CACNA1A: variants seen among roughly 807,000 people sequenced by gnomAD.
CACNA1A encodes voltage-dependent P/Q-type calcium channel subunit alpha-1A.
A neutral mutation model predicts 262.4 loss-of-function variants in CACNA1A; 57 were observed. That is an observed-to-expected ratio of 0.22 (90% CI 0.18 to 0.27). The LOEUF (loss-of-function observed/expected upper bound fraction) is 0.27, where lower values mean the gene tolerates loss of function less well. Among genes scored for constraint, CACNA1A ranks in the 10% least tolerant of loss-of-function variants. CACNA1A has a pLI of 1.00. For missense variants in CACNA1A, 2,526 were observed against 3,562.8 expected (o/e 0.71, Z 7.41); for synonymous variants, 1,431 against 1,419.3 (o/e 1.01, Z -0.18).
chr19:13,291,509 A>C (rs2057537300), intron 19 of CACNA1A, among the ~76,000 whole-genome samples: 1 of 151,960 alleles, frequency 6.6e-6, no homozygotes, highest in Non-Finnish European at 1.5e-5. Context: ...TCAAAGCTTT[A>C]ATGGGGCAGC....
At chr19:13,399,340 C>T (rs1214788968) in intron 3 of CACNA1A, among the ~76,000 whole-genome samples, 1 of 151,500 alleles carries the variant, frequency 6.6e-6, no homozygotes, top group African/African-American at 2.4e-5. Flanking sequence ...TTCTGACTTC[C>T]TCCCTCCTTC....
rs114479295 is a variant in CACNA1A at position 13,335,949 on chromosome 19, G to C, written c.979-40C>G. 9,228 of 1,223,422 alleles carry C rather than the reference G, an allele frequency of 7.5e-3. 498 individuals are homozygous for C. The African/African-American group carries it at 0.12, about 16-fold the overall frequency. The allele number at this position is 1,223,422 out of a possible 1,614,324, so 75.8% of individuals were successfully genotyped here. A position where few individuals can be genotyped will look rare whatever the true frequency, so the allele number is the denominator to read the frequency against. On this transcript the variant is annotated intron_variant, in intron 6 of 46. Coordinates refer to ENST00000360228, the MANE Select transcript of CACNA1A (RefSeq NM_001127222.2). ...GAGGGAAAGCAGGTGAGAGTTGACT[G>C]GGACTCAGATAGAACCTGACAGGTG...
chr19:13,375,705 T>G (rs996310777), intron 3 of CACNA1A, among the ~76,000 whole-genome samples: 3 of 152,096 alleles, frequency 2.0e-5, no homozygotes, highest in Admixed American at 2.0e-4. Context: ...GGAGGATCAC[T>G]TGGTCCCAGG....
intron 31 of CACNA1A, among the ~76,000 whole-genome samples, chr19:13,239,830 TGA>T (rs2056010509): frequency 6.6e-6 from 1 of 151,686 alleles, no homozygotes; most frequent in African/African-American, 2.4e-5. Flanking sequence ...TGACTGTATG[TGA>T]GAGACACAGA....
chr19:13,354,183 T>C (rs2058964123), intron 6 of CACNA1A, among the ~76,000 whole-genome samples: 1 of 152,170 alleles, frequency 6.6e-6, no homozygotes, highest in Non-Finnish European at 1.5e-5. Context: ...CCTACCCAGG[T>C]GGGAAGCCTC....
rs75374186 is a variant in CACNA1A at position 13,415,077 on chromosome 19, G to A, written c.539+37799C>T. On this transcript the variant is annotated intron_variant, in intron 3 of 46. Coordinates refer to ENST00000360228, the MANE Select transcript of CACNA1A (RefSeq NM_001127222.2). The stretch of plus-strand genomic sequence containing the variant: ...CCCAAAGCGATTTTGGGGAAGGTAG[G>A]AACTACTGGGATGAGGAGGGCATAG... 8.9e-3 allele frequency among the ~76,000 whole-genome samples: 1,355 copies of A among 152,166 alleles called. 23 individuals carry two copies. Among genetic ancestry groups the A allele is most frequent in the African/African-American group, 0.03 (1,256 of 41,518 alleles).
chr19:13,410,381 C>CA (rs1456773637), intron 3 of CACNA1A, among the ~76,000 whole-genome samples: 1 of 151,900 alleles, frequency 6.6e-6, no homozygotes, highest in Non-Finnish European at 1.5e-5. Flanking sequence ...CATGCACCAC[C>CA]ATGCCCAGCT....
Position 13,298,680 on chromosome 19 carries a change from G to A in CACNA1A, c.2953C>T (p.Pro985Ser), listed in dbSNP as rs1021297434. Residue 985 changes from proline to serine, a missense_variant, in exon 19 of 47, where the codon CCG becomes TCG. Around this residue, in one of 17 missense-constraint regions of CACNA1A, gnomAD observed 765 missense variants for 748.6 expected, o/e 1.02. Transcript: ENST00000360228. ...RRARHREGSR[P>S]ARGGEGEGEG... ...CCCTCGCCCTCGCCGCCCCGGGCCG[G>A]CCGGCTGCCCTCGCGGTGCCGCGCC... 6.8e-7 allele frequency: 1 copy of A among 1,471,124 alleles called. No individual in the cohort carries two copies. The highest frequency in any genetic ancestry group is 2.7e-5 in the Admixed American group (1 of 37,038). The allele number at this position is 1,471,124 out of a possible 1,614,324, so 91.1% of individuals were successfully genotyped here.
intron 24 of CACNA1A, chr19:13,275,133 G>A (rs2057114775): frequency 6.6e-6 from 1 of 151,988 alleles, no homozygotes. Context: ...AGAACTTGAA[G>A]GTCACCTTGG....
intron 3 of CACNA1A, among the ~76,000 whole-genome samples, chr19:13,375,567 G>A (rs962387044): frequency 6.6e-6 from 1 of 152,098 alleles, no homozygotes; most frequent in Non-Finnish European, 1.5e-5. Context: ...GTGAGAGGAT[G>A]GCTTGAGCCT....
chr19:13,449,143 T>A (rs916013429), intron 3 of CACNA1A, among the ~76,000 whole-genome samples: 1 of 151,294 alleles, frequency 6.6e-6, no homozygotes, highest in Non-Finnish European at 1.5e-5. Context: ...ATTTTTTGCA[T>A]TTTTTTTATA....
chr19:13,224,835 C>A, intron 37 of CACNA1A, 63 bp from the exon 38 acceptor site: 1 of 1,199,372 alleles, frequency 8.3e-7, no homozygotes, highest in Non-Finnish European at 1.2e-6. Flanking sequence ...TCCCGTGAGC[C>A]GCGCCCGCCC....
chr19:13,468,952 G>A (rs2061301495), intron 1 of CACNA1A, among the ~76,000 whole-genome samples: 1 of 152,140 alleles, frequency 6.6e-6, no homozygotes, highest in Non-Finnish European at 1.5e-5. Context: ...AAAAACCAGT[G>A]AGAAGGGCCC....
rs1411783148 is a variant in CACNA1A at position 13,214,198 on chromosome 19, C to T, written c.5940+35G>A. The stretch of plus-strand genomic sequence containing the variant: ...GTGGTGACATGCAAGCCACTGTCCC[C>T]AGCCCAGATGTCCCCAGAGCGGCGA... On this transcript the variant is annotated intron_variant, in intron 40 of 46. Coordinates refer to ENST00000360228, the MANE Select transcript of CACNA1A (RefSeq NM_001127222.2). The surrounding 1 kb of genome is among the most constrained non-coding windows in gnomAD (Gnocchi z 4.1). The T allele has an allele frequency of 1.9e-6, 3 of 1,550,058 alleles. No homozygotes were observed. Among genetic ancestry groups the T allele is most frequent in the Non-Finnish European group, 2.6e-6 (3 of 1,139,286 alleles).
chr19:13,287,028 C>A, intron 19 of CACNA1A, 62 bp from the exon 20 acceptor site: 1 of 1,311,254 alleles, frequency 7.6e-7, no homozygotes, highest in Non-Finnish European at 1.0e-6. Flanking sequence ...GGCAACAGTT[C>A]AGGATCCTAG....
In CACNA1A at chr19:13,208,940, C is replaced by G; in HGVS notation, c.6596G>C (p.Arg2199Pro). 1 of 1,536,710 alleles carries G rather than the reference C, an allele frequency of 6.5e-7. No homozygotes were observed. Among genetic ancestry groups the G allele is most frequent in the Non-Finnish European group, 8.7e-7 (1 of 1,146,812 alleles). Residue 2199 changes from arginine to proline, a missense_variant, in exon 46 of 47, where the codon CGG becomes CCG. Arg to Pro is a moderately radical substitution (Grantham distance 103). This residue lies in a region of CACNA1A where 929 missense variants were observed against 868.1 expected (regional missense o/e 1.07). Coordinates refer to ENST00000360228, the MANE Select transcript of CACNA1A (RefSeq NM_001127222.2). ...DLPSKERDQE[R>P]GRPKDRKHRQ... ...ATGCTTCCGATCCTTGGGCCGGCCC[C>G]GCTCCTGGTCCCGCTCCTTCGACGG...
At chr19:13,232,589 G>A (rs1365000913) in intron 34 of CACNA1A, among the ~76,000 whole-genome samples, 4 of 151,764 alleles carry the variant, frequency 2.6e-5, no homozygotes, top group Admixed American at 6.6e-5. Context: ...AAATTTGCTC[G>A]GTGTGGTGGC....
intron 3 of CACNA1A, among the ~76,000 whole-genome samples, chr19:13,415,227 T>C (rs1056325842): frequency 1.2e-4 from 18 of 151,406 alleles, no homozygotes; most frequent in African/African-American, 3.9e-4. Context: ...GGCGGGTGTG[T>C]GTGCGGCGCG....
intron 34 of CACNA1A, among the ~76,000 whole-genome samples, chr19:13,232,192 C>A (rs953460351): frequency 1.4e-5 from 2 of 145,248 alleles, no homozygotes; most frequent in Non-Finnish European, 3.0e-5. Context: ...CCTTTCTTTT[C>A]TCTCTCTCTC....
Sources: gnomAD v4.1 joint callset for allele counts (sites outside exome capture counted in the v4.1 genomes callset) on GRCh38, gnomAD v4.1.1 for gene constraint, gnomAD v4.1.1 regional missense constraint, Gnocchi (gnomAD v3.1) non-coding constraint, MANE v1.5 for transcripts, NCBI Gene and HGNC (gene_info 2026-07-23, HGNC 2026-07-21) for gene names.